Variants in PPP2R2C observed in about 807,000 individuals in gnomAD.
The protein encoded by PPP2R2C is protein phosphatase 2 regulatory subunit Bgamma.
Under a neutral mutation model 45.3 loss-of-function variants are expected in PPP2R2C, and 10 were observed. The observed-to-expected ratio is 0.22, with a 90% confidence interval of 0.14 to 0.37. The LOEUF (loss-of-function observed/expected upper bound fraction) is 0.37, where lower values mean the gene tolerates loss of function less well. Among genes scored for constraint, PPP2R2C ranks in the 10% least tolerant of loss-of-function variants. The pLI, the probability that PPP2R2C is intolerant of heterozygous loss-of-function variation, is 1.00. For missense variants in PPP2R2C, 308 were observed against 619.7 expected (o/e 0.50, Z 5.34); for synonymous variants, 257 against 245.4 (o/e 1.05, Z -0.44).
At position 6,360,073 on chromosome 4, in the gene PPP2R2C, A is replaced by T. The variant is rs1194417010; in HGVS notation, c.626-12063T>A. Among the ~76,000 whole-genome samples the T allele has an allele frequency of 2.6e-5, 4 of 152,204 alleles. No individual in the cohort carries two copies. In the East Asian group the frequency reaches 7.7e-4, roughly 29 times the overall value. ...AATTGAACTTTGAGACATGGTAATA[A>T]CCCCAGAGAGCCATGCCTAGCACAG... On this transcript the variant is annotated intron_variant, in intron 5 of 8. Coordinates refer to ENST00000382599, the MANE Select transcript of PPP2R2C (RefSeq NM_020416.4).
chr4:6,356,526 G>A (rs1250601153), intron 5 of PPP2R2C, among the ~76,000 whole-genome samples: 2 of 152,218 alleles, frequency 1.3e-5, no homozygotes, highest in Non-Finnish European at 2.9e-5. Flanking sequence ...TCTGCCGCTT[G>A]CTAGCTATGT....
chr4:6,347,941 G>A lies in PPP2R2C; in HGVS notation c.695C>T (p.Pro232Leu). ...GTAGACGAAGAGGTTGCAGTGGTGCGGATGGAACTCAGATGCTGTGATCAC... is the reference window on the plus strand; with the variant it reads ...GTAGACGAAGAGGTTGCAGTGGTGCAGATGGAACTCAGATGCTGTGATCAC... The part of the protein sequence containing the change: ...TEVITASEFH[P>L]HHCNLFVYSS... The change falls in exon 6 of 9, where the codon CCG becomes CTG. Residue 232 changes from proline to leucine, a missense_variant. By Grantham distance (98) the Pro-to-Leu change is moderately conservative. Coordinates refer to ENST00000382599, the MANE Select transcript of PPP2R2C (RefSeq NM_020416.4). 1 of 1,614,072 alleles carries A rather than the reference G, an allele frequency of 6.2e-7. No homozygotes were observed. Among genetic ancestry groups the A allele is most frequent in the Non-Finnish European group, 8.5e-7 (1 of 1,180,000 alleles).
intron 1 of PPP2R2C, among the ~76,000 whole-genome samples, chr4:6,397,901 T>C (rs777483115): frequency 1.4e-4 from 21 of 152,236 alleles, no homozygotes; most frequent in Non-Finnish European, 2.9e-4. Context: ...CCAGCTGATA[T>C]AAAGATACAG....
intron 1 of PPP2R2C, among the ~76,000 whole-genome samples, chr4:6,537,457 T>A (rs1415074240): frequency 6.6e-6 from 1 of 152,076 alleles, no homozygotes; most frequent in East Asian, 1.9e-4. Context: ...CATGGCAATT[T>A]ACAGATTAAC....
At chr4:6,396,991 A>C (rs549254960) in intron 1 of PPP2R2C, among the ~76,000 whole-genome samples, 2 of 147,460 alleles carry the variant, frequency 1.4e-5, no homozygotes, top group African/African-American at 2.5e-5. Context: ...TGGCTCAAAA[A>C]ATTCCTAAAA....
At chr4:6,498,706 G>A (rs1019024886) in intron 2 of PPP2R2C, among the ~76,000 whole-genome samples, 3 of 152,034 alleles carry the variant, frequency 2.0e-5, no homozygotes, top group Admixed American at 6.6e-5. Flanking sequence ...TCACCCAGAC[G>A]GCAAACCCAC....
chr4:6,500,064 AG>A (rs1455967452), intron 2 of PPP2R2C, among the ~76,000 whole-genome samples: 2 of 152,230 alleles, frequency 1.3e-5, no homozygotes, highest in African/African-American at 2.4e-5. Flanking sequence ...CTGTGTCCCC[AG>A]GCTAGAAATG....
At chr4:6,352,878 T>C (rs1712697302) in intron 5 of PPP2R2C, among the ~76,000 whole-genome samples, 2 of 151,916 alleles carry the variant, frequency 1.3e-5, no homozygotes, top group South Asian at 2.1e-4. Flanking sequence ...TGAGATGAGA[T>C]CACCCTGGAT....
At chr4:6,525,054 C>T (rs534698472) in intron 2 of PPP2R2C, among the ~76,000 whole-genome samples, 1 of 152,078 alleles carries the variant, frequency 6.6e-6, no homozygotes, top group South Asian at 2.1e-4. Context: ...CCACTGCACT[C>T]CAACCTGGGT....
Position 6,350,989 on chromosome 4 carries a change from G to A in PPP2R2C, c.626-2979C>T, listed in dbSNP as rs78869038. 5.7e-3 allele frequency: 5,576 copies of A among 985,308 alleles called. 28 individuals are homozygous for A. The highest frequency in any genetic ancestry group is 0.015 in the Middle Eastern group (28 of 1,914). 61.0% of individuals were successfully genotyped at this position (985,308 alleles called of 1,614,324 possible). On this transcript the variant is annotated intron_variant, in intron 5 of 8. Transcript: ENST00000382599. ...CCAAACGCTCTTTCCTTTCCCACCTGGGGATGTTTCAGAACTTTTCAAAGT... is the reference window on the plus strand; with the variant it reads ...CCAAACGCTCTTTCCTTTCCCACCTAGGGATGTTTCAGAACTTTTCAAAGT...
Position 6,365,540 on chromosome 4 carries a change from A to G in PPP2R2C, c.625+6983T>C, listed in dbSNP as rs753091829. Among the ~76,000 whole-genome samples, 3 of 152,220 alleles carry G rather than the reference A, an allele frequency of 2.0e-5. No individual in the cohort carries two copies. The East Asian group carries it at 5.8e-4, about 29-fold the overall frequency. On this transcript the variant is annotated intron_variant, in intron 5 of 8. Coordinates refer to ENST00000382599, the MANE Select transcript of PPP2R2C (RefSeq NM_020416.4). ...GGGGTGCAGAAAGACTGAGTGACTGATCAGGGTCAGTGGCAGAGGCAGGGG... is the reference window on the plus strand; with the variant it reads ...GGGGTGCAGAAAGACTGAGTGACTGGTCAGGGTCAGTGGCAGAGGCAGGGG...
intron 5 of PPP2R2C, among the ~76,000 whole-genome samples, chr4:6,372,156 G>A (rs1219821088): frequency 1.3e-5 from 2 of 152,212 alleles, no homozygotes; most frequent in East Asian, 1.9e-4. Flanking sequence ...CCAGTGGGGA[G>A]GGCCCCGAGG....
chr4:6,476,171 A>T (rs1326772496), upstream of PPP2R2C, among the ~76,000 whole-genome samples: 1 of 152,170 alleles, frequency 6.6e-6, no homozygotes, highest in Non-Finnish European at 1.5e-5. Context: ...GACTGCACAA[A>T]AGTTAACTGT....
At chr4:6,416,828 C>A (rs978383623) in intron 1 of PPP2R2C, among the ~76,000 whole-genome samples, 1 of 152,122 alleles carries the variant, frequency 6.6e-6, no homozygotes. Context: ...GCCTGCTGGG[C>A]TCCCTGTGTG....
chr4:6,553,576 G>C (rs1577255407), intron 1 of PPP2R2C, among the ~76,000 whole-genome samples: 1 of 152,164 alleles, frequency 6.6e-6, no homozygotes, highest in Non-Finnish European at 1.5e-5. Context: ...GGAGAGATGA[G>C]GGCAGGGGAA....
At chr4:6,433,711 C>CA (rs1275793163) in intron 1 of PPP2R2C, among the ~76,000 whole-genome samples, 68 of 152,328 alleles carry the variant, frequency 4.5e-4, no homozygotes, top group African/African-American at 1.4e-3. Flanking sequence ...GTTCTGTCCT[C>CA]ATTCTTTCCC....
chr4:6,378,432 G>A lies in PPP2R2C; in HGVS notation c.309C>T (p.Ala103=), dbSNP rs748773208. The change falls in exon 3 of 9, where the codon GCC becomes GCT. Residue 103 remains alanine (A), a synonymous_variant. Coordinates refer to ENST00000382599, the MANE Select transcript of PPP2R2C (RefSeq NM_020416.4). This position sits in a 1 kb window ranked among gnomAD's most constrained non-coding sequence, Gnocchi z 5.2. ...CGTTGGTGGACAGGAGTGAGTGGGC[G>A]GCGTTCTGCTGTGGGAGCCACTTGA... The part of the protein sequence containing the change: ...NKIKWLPQQN[A]AHSLLSTNDK... 17 of 1,614,096 alleles carry A rather than the reference G, an allele frequency of 1.1e-5. No homozygotes were observed. Among genetic ancestry groups the A allele is most frequent in the African/African-American group, 6.7e-5 (5 of 74,950 alleles).
intron 1 of PPP2R2C, among the ~76,000 whole-genome samples, chr4:6,386,416 CA>C (rs1716218022): frequency 6.6e-6 from 1 of 152,182 alleles, no homozygotes; most frequent in Admixed American, 6.5e-5. Context: ...CCAGAGGGGG[CA>C]AATAAACTCT....
chr4:6,428,589 G>A (rs981810481), intron 1 of PPP2R2C, among the ~76,000 whole-genome samples: 6 of 152,238 alleles, frequency 3.9e-5, no homozygotes, highest in Non-Finnish European at 5.9e-5. Flanking sequence ...AAATCACATC[G>A]TATCAAGGCA....
Sources: gnomAD v4.1 joint callset for allele counts (sites outside exome capture counted in the v4.1 genomes callset) on GRCh38, gnomAD v4.1.1 for gene constraint, Gnocchi (gnomAD v3.1) non-coding constraint, MANE v1.5 for transcripts, NCBI Gene and HGNC (gene_info 2026-07-23, HGNC 2026-07-21) for gene names.